PISD: variants seen among roughly 807,000 people sequenced by gnomAD.
The protein encoded by PISD is phosphatidylserine decarboxylase, also known as phosphatidylserine decarboxylase proenzyme, mitochondrial.
Under a neutral mutation model 43.5 loss-of-function variants are expected in PISD, and 31 were observed. That is an observed-to-expected ratio of 0.71 (90% confidence interval 0.54 to 0.96). The LOEUF is 0.96. PISD is among the 40% of genes least tolerant of loss of function. PISD has a pLI of 0.00. For synonymous variants in PISD, 259 were observed against 228.7 expected (o/e 1.13, Z -1.20); for missense variants, 523 against 548.4 (o/e 0.95, Z 0.46).
At chr22:31,652,409 A>T (rs576754850) in intron 1 of PISD, among the ~76,000 whole-genome samples, 54 of 151,940 alleles carry the variant, frequency 3.6e-4, no homozygotes, top group Non-Finnish European at 5.7e-4. Context: ...GGGATTACAG[A>T]TGTGAGCCAC....
intron 3 of PISD, chr22:31,629,599 G>A (rs1431742717): frequency 6.9e-6 from 1 of 144,962 alleles, no homozygotes; most frequent in African/African-American, 2.6e-5. Context: ...GGTGCAAGGG[G>A]TGTGTGTAGG....
intron 3 of PISD, chr22:31,638,411 G>A: frequency 3.0e-6 from 3 of 985,454 alleles, no homozygotes; most frequent in Non-Finnish European, 3.6e-6. Context: ...CAAATGCCCT[G>A]GGTCTGTGGA....
At chr22:31,644,132 C>T (rs2073816206) in intron 3 of PISD, among the ~76,000 whole-genome samples, 1 of 152,216 alleles carries the variant, frequency 6.6e-6, no homozygotes, top group Admixed American at 6.5e-5. Context: ...GTTCTTCAAG[C>T]TGGCTTATCA....
intron 3 of PISD, among the ~76,000 whole-genome samples, chr22:31,637,124 A>G (rs2073468699): frequency 7.9e-6 from 1 of 125,886 alleles, no homozygotes; most frequent in South Asian, 2.4e-4. Context: ...TCTACAAAAA[A>G]AAATAATAAT....
intron 3 of PISD, among the ~76,000 whole-genome samples, chr22:31,636,953 G>A (rs56112397): frequency 0.049 from 7,358 of 151,370 alleles, 164 homozygotes; most frequent in African/African-American, 0.063. Context: ...TGGGATTACA[G>A]GTGTGAGCCA....
chr22:31,637,204 T>TAG (rs1556419909), intron 3 of PISD, among the ~76,000 whole-genome samples: 2 of 95,834 alleles, frequency 2.1e-5, no homozygotes, highest in Non-Finnish European at 4.0e-5. Flanking sequence ...TATATATATA[T>TAG]ATAGAAAAAT....
At chr22:31,648,534 G>T (rs1431456825) in intron 2 of PISD, among the ~76,000 whole-genome samples, 2 of 152,014 alleles carry the variant, frequency 1.3e-5, no homozygotes, top group Admixed American at 1.3e-4. Context: ...GCCGGGCACA[G>T]TGGCGGGCGC....
At chr22:31,646,478 CA>C (rs2073890674) in intron 3 of PISD, among the ~76,000 whole-genome samples, 1 of 152,192 alleles carries the variant, frequency 6.6e-6, no homozygotes, top group South Asian at 2.1e-4. Flanking sequence ...ATTACATAAA[CA>C]GCAGATACTA....
intron 3 of PISD, among the ~76,000 whole-genome samples, chr22:31,640,880 G>GTTTTTTTGTTTT (rs2073690185): frequency 4.1e-5 from 1 of 24,596 alleles, no homozygotes; most frequent in African/African-American, 1.8e-4. Context: ...CACACCCGGT[G>GTTTTTTTGTTTT]TTTTTTTTTT....
Position 31,620,706 on chromosome 22 carries a change from C to T in PISD, c.852G>A (p.Leu284=), listed in dbSNP as rs1569480338. 3.7e-6 allele frequency: 6 copies of T among 1,614,082 alleles called. No individual in the cohort carries two copies. The highest frequency in any genetic ancestry group is 1.1e-5 in the South Asian group (1 of 91,088). ...GAGCCATGCCAGGGTTCACTGACAT[C>T]AGGGAGCCTGCAGAGGCAGGGAATG... ...VSHRRHFPGS[L]MSVNPGMARW... Residue 284 remains leucine, a synonymous_variant, in exon 7 of 8, where the codon CTG becomes CTA. Transcript: ENST00000439502.
chr22:31,644,242 C>CTTTT (rs571185716), intron 3 of PISD, among the ~76,000 whole-genome samples: 16 of 139,166 alleles, frequency 1.1e-4, no homozygotes, highest in Non-Finnish European at 2.2e-4. Flanking sequence ...ATAATTTTTT[C>CTTTT]TTTTTTTTTT....
intron 1 of PISD, 81 bp from the exon 2 acceptor site, chr22:31,650,859 C>A: frequency 1.3e-6 from 1 of 796,178 alleles, no homozygotes; most frequent in Non-Finnish European, 2.1e-6. Context: ...TTTAAACACT[C>A]AATAACAATA....
intron 1 of PISD, 113 bp downstream of exon 1, chr22:31,662,031 C>G: frequency 3.2e-6 from 3 of 948,964 alleles, no homozygotes; most frequent in Middle Eastern, 2.1e-4. Context: ...GTGGCTCCGT[C>G]TCCACCCGAG....
intron 3 of PISD, among the ~76,000 whole-genome samples, chr22:31,643,449 A>T (rs1291274980): frequency 6.6e-6 from 1 of 152,098 alleles, no homozygotes; most frequent in East Asian, 1.9e-4. Flanking sequence ...CTTAAATATA[A>T]AACTACCCTG....
intron 2 of PISD, among the ~76,000 whole-genome samples, chr22:31,650,490 T>C (rs1163020338): frequency 6.6e-6 from 1 of 150,472 alleles, no homozygotes; most frequent in Non-Finnish European, 1.5e-5. Flanking sequence ...GATTGCATCA[T>C]TGCATTCCAG....
At chr22:31,650,290 C>T (rs2073995804) in intron 2 of PISD, among the ~76,000 whole-genome samples, 1 of 152,070 alleles carries the variant, frequency 6.6e-6, no homozygotes, top group South Asian at 2.1e-4. Context: ...CCAGCCTGGG[C>T]ATCATAGCAA....
chr22:31,653,915 C>A (rs2074100492), intron 1 of PISD, among the ~76,000 whole-genome samples: 1 of 152,152 alleles, frequency 6.6e-6, no homozygotes, highest in South Asian at 2.1e-4. Context: ...CGGGATCGTC[C>A]CGATTTTCAT....
rs887473103 is a variant in PISD, at chr22:31,627,990, TG to T, written c.322-6106del. ...TAAGAACCATCCTGAGAGGCCAGGC[TG>T]GGGCACCGCACCTGCCAGTGAGCCC... On this transcript the variant is annotated intron_variant, in intron 3 of 7. Coordinates refer to ENST00000439502, the MANE Select transcript of PISD (RefSeq NM_001326411.2). The T allele has an allele frequency of 3.8e-5, 37 of 981,224 alleles. No individual in the cohort carries two copies. In the African/African-American group the frequency reaches 6.1e-4, roughly 16 times the overall value. The allele number at this position is 981,224 out of a possible 1,614,324, so 60.8% of individuals were successfully genotyped here.
chr22:31,632,268 A>G lies in PISD; in HGVS notation c.322-10383T>C, dbSNP rs138616215. 32 of 984,438 alleles carry G rather than the reference A, an allele frequency of 3.3e-5. No individual in the cohort carries two copies. The East Asian group carries it at 3.2e-3, about 98-fold the overall frequency. 61.0% of individuals were successfully genotyped at this position (984,438 alleles called of 1,614,324 possible). ...AAGAAGACAGATAGGGTCCTCCTCC[A>G]TGGATTTCCATGTTCTTCCATACCT... On this transcript the variant is annotated intron_variant, in intron 3 of 7. Coordinates refer to ENST00000439502, the MANE Select transcript of PISD (RefSeq NM_001326411.2).
Sources: allele counts gnomAD v4.1 joint callset (sites outside exome capture counted in the v4.1 genomes callset), GRCh38; gene constraint gnomAD v4.1.1; transcripts MANE v1.5; gene names NCBI Gene and HGNC (gene_info 2026-07-23, HGNC 2026-07-21).